The following EFR3B variants were observed in gnomAD, a reference collection of about 807,000 sequenced individuals.
EFR3B encodes protein EFR3 homolog B.
In EFR3B, 64 loss-of-function variants were observed where a neutral mutation model predicts 104.7. The ratio of observed to expected loss-of-function variants is 0.61; its 90% CI spans 0.50 to 0.75. EFR3B has a LOEUF of 0.75. Among genes scored for constraint, EFR3B ranks in the 30% least tolerant of loss-of-function variants. The pLI is 0.00. For missense variants in EFR3B, 750 were observed against 1,078.5 expected, an observed-to-expected ratio of 0.70 and a Z score of 4.27; for synonymous variants, 385 against 417.9, an observed-to-expected ratio of 0.92 and a Z score of 0.96.
chr2:25,090,299 C>T (rs543310016), intron 1 of EFR3B, among the ~76,000 whole-genome samples: 1 of 152,352 alleles, frequency 6.6e-6, no homozygotes, highest in African/African-American at 2.4e-5. Context: ...CCCGCCCCCT[C>T]AGTGAGGGGT....
chr2:25,133,213 G>A, intron 11 of EFR3B, among the ~76,000 whole-genome samples, 170 bp from the exon 12 acceptor site: 1 of 152,206 alleles, frequency 6.6e-6, no homozygotes, highest in South Asian at 2.1e-4. Flanking sequence ...TCCCAACGTG[G>A]GGGGAGCCAG....
intron 1 of EFR3B, among the ~76,000 whole-genome samples, chr2:25,043,958 G>T (rs1667648100): frequency 6.6e-6 from 1 of 152,158 alleles, no homozygotes; most frequent in Admixed American, 6.5e-5. Context: ...AGATAATTTG[G>T]TCGTTTACCC....
At position 25,042,104 on chromosome 2, in the gene EFR3B, G is replaced by A; in HGVS notation, c.-209G>A. ...AGTGCCCAGCAACCCGAGCGGAGGCGGCCGCTGCAGCCCGGCGCTGAATGG... is the reference window on the plus strand; with the variant it reads ...AGTGCCCAGCAACCCGAGCGGAGGCAGCCGCTGCAGCCCGGCGCTGAATGG... On this transcript the variant is annotated 5_prime_UTR_variant, in exon 1 of 23. Transcript: ENST00000403714. The surrounding 1 kb of genome is among the most constrained non-coding windows in gnomAD (Gnocchi z 5.4). 1 of 335,760 alleles carries A rather than the reference G, an allele frequency of 3.0e-6. No individual in the cohort carries two copies. Among genetic ancestry groups the A allele is most frequent in the Non-Finnish European group, 5.2e-6 (1 of 192,584 alleles). The allele number at this position is 335,760 out of a possible 1,614,324, so 20.8% of individuals were successfully genotyped here.
chr2:25,071,697 G>A (rs1164866698), intron 1 of EFR3B, among the ~76,000 whole-genome samples: 1 of 152,194 alleles, frequency 6.6e-6, no homozygotes, highest in Non-Finnish European at 1.5e-5. Flanking sequence ...CCATGTGGTT[G>A]TCTAAATTAT....
chr2:25,153,576 G>C, intron 21 of EFR3B, 136 bp from the exon 22 acceptor site: 1 of 805,658 alleles, frequency 1.2e-6, no homozygotes, highest in East Asian at 2.7e-5. Context: ...GTGCTGGAGC[G>C]TGTTCACCTC....
At chr2:25,109,958 A>G (rs937598893) in intron 4 of EFR3B, among the ~76,000 whole-genome samples, 12 of 152,050 alleles carry the variant, frequency 7.9e-5, no homozygotes, top group African/African-American at 2.9e-4. Context: ...AACCAAGCCC[A>G]CTCGGAGGCT....
chr2:25,052,588 G>A (rs1272411445), intron 1 of EFR3B, among the ~76,000 whole-genome samples: 1 of 141,866 alleles, frequency 7.0e-6, no homozygotes, highest in Non-Finnish European at 1.5e-5. Flanking sequence ...CGCAACCTCT[G>A]CCTCCTGGGT....
At chr2:25,135,229 C>T (rs6731312) in intron 12 of EFR3B, among the ~76,000 whole-genome samples, 8 of 152,094 alleles carry the variant, frequency 5.3e-5, no homozygotes, top group African/African-American at 1.9e-4. Flanking sequence ...TTTTAACACC[C>T]GAATGTCCCT....
chr2:25,088,497 T>A (rs1669021203), intron 1 of EFR3B, among the ~76,000 whole-genome samples: 1 of 152,028 alleles, frequency 6.6e-6, no homozygotes, highest in African/African-American at 2.4e-5. Context: ...CCTGCTAAGA[T>A]GTACCAAGCC....
chr2:25,151,852 G>A, intron 20 of EFR3B, 62 bp from the exon 21 acceptor site: 1 of 1,526,018 alleles, frequency 6.6e-7, no homozygotes. Context: ...GCTCCCTGGA[G>A]GAGTCCCTCC....
Position 25,130,316 on chromosome 2 carries a change from C to T in EFR3B, c.770+207C>T, listed in dbSNP as rs1352015514. Among the ~76,000 whole-genome samples, 3 of 152,228 alleles carry T rather than the reference C, an allele frequency of 2.0e-5. No individual in the cohort carries two copies. The highest frequency in any genetic ancestry group is 4.4e-5 in the Non-Finnish European group (3 of 68,038). Reference sequence around the variant, plus strand: ...CAACTGCTGCCAGTAGGAAGGCACCCAACGCTAAGCAAAGGTGCCCAGCTT... The same window carrying T: ...CAACTGCTGCCAGTAGGAAGGCACCTAACGCTAAGCAAAGGTGCCCAGCTT... On this transcript the variant is annotated intron_variant, in intron 7 of 22. Coordinates refer to ENST00000403714, the MANE Select transcript of EFR3B (RefSeq NM_014971.2). The surrounding 1 kb of genome is among the most constrained non-coding windows in gnomAD (Gnocchi z 4.6).
chr2:25,044,195 C>T (rs1667654354), intron 1 of EFR3B, among the ~76,000 whole-genome samples: 2 of 152,184 alleles, frequency 1.3e-5, no homozygotes, highest in Non-Finnish European at 2.9e-5. Context: ...ATGGAGGAAT[C>T]CTCTGGGCAG....
At chr2:25,056,419 C>T (rs1668023313) in intron 1 of EFR3B, among the ~76,000 whole-genome samples, 1 of 142,766 alleles carries the variant, frequency 7.0e-6, no homozygotes, top group Non-Finnish European at 1.5e-5. Flanking sequence ...TTTTGATTTC[C>T]ATTCATATTA....
At chr2:25,075,915 G>T (rs2149176903) in intron 1 of EFR3B, among the ~76,000 whole-genome samples, 1 of 152,240 alleles carries the variant, frequency 6.6e-6, no homozygotes, top group African/African-American at 2.4e-5. Context: ...GTCTCACTCT[G>T]TCACTCAGGC....
Position 25,118,726 on chromosome 2 carries a change from C to CAAAAAAA in EFR3B, c.364-2921_364-2915dup, listed in dbSNP as rs869026900. On this transcript the variant is annotated intron_variant, in intron 4 of 22. Transcript: ENST00000403714. The stretch of plus-strand genomic sequence containing the variant: ...ACAACACAATGAGACCCTGTCTCTA[C>CAAAAAAA]AAAAAAAAAAAAAAAAAAAAAAAAA... 7.5e-3 allele frequency among the ~76,000 whole-genome samples: 250 copies of CAAAAAAA among 33,544 alleles called. 69 individuals are homozygous for CAAAAAAA. The highest frequency in any genetic ancestry group is 0.01 in the South Asian group (6 of 592). The allele number at this position is 33,544 out of a possible 152,430, so 22.0% of individuals were successfully genotyped here.
Position 25,042,327 on chromosome 2 carries a change from G to A in EFR3B, c.7+8G>A, listed in dbSNP as rs1229940644. The A allele has an allele frequency of 3.2e-6, 4 of 1,267,484 alleles. No homozygotes were observed. In the African/African-American group the frequency reaches 6.2e-5, roughly 20 times the overall value. 78.5% of individuals were successfully genotyped at this position (1,267,484 alleles called of 1,614,324 possible). ...GCCCCGCCGAGATGTACGGTAAGGA[G>A]GGCTCCGCGCCCGGGCCCGGGCCCG... On this transcript the variant is annotated splice_region_variant and intron_variant, in intron 1 of 22. Coordinates refer to ENST00000403714, the MANE Select transcript of EFR3B (RefSeq NM_014971.2). This position sits in a 1 kb window ranked among gnomAD's most constrained non-coding sequence, Gnocchi z 5.4.
chr2:25,068,611 G>A (rs1377870174), intron 1 of EFR3B, among the ~76,000 whole-genome samples: 1 of 151,170 alleles, frequency 6.6e-6, no homozygotes, highest in Admixed American at 6.6e-5. Flanking sequence ...ATCTGTGCTG[G>A]AGTCACTTTT....
intron 1 of EFR3B, among the ~76,000 whole-genome samples, chr2:25,061,447 C>A (rs1056615759): frequency 5.9e-5 from 9 of 151,520 alleles, no homozygotes; most frequent in Non-Finnish European, 1.0e-4. Flanking sequence ...GCCTCTCACA[C>A]GGGCAACGTA....
At position 25,145,061 on chromosome 2, in the gene EFR3B, C is replaced by T. The variant is rs1179414693; in HGVS notation, c.2142+10C>T. 4.5e-6 allele frequency: 7 copies of T among 1,551,510 alleles called. No individual in the cohort carries two copies. The highest frequency in any genetic ancestry group is 4.9e-5 in the East Asian group (2 of 40,916). ...TCCGGAGAAGGAGGAGGTGAGTGTC[C>T]GTGCCACCGTCCTGGGGCAGCCCCA... On this transcript the variant is annotated intron_variant, in intron 19 of 22. Transcript: ENST00000403714.
Sources: allele counts gnomAD v4.1 joint callset (sites outside exome capture counted in the v4.1 genomes callset), GRCh38; gene constraint gnomAD v4.1.1; non-coding constraint Gnocchi (gnomAD v3.1); transcripts MANE v1.5; gene names NCBI Gene and HGNC (gene_info 2026-07-23, HGNC 2026-07-21).